Variants in LGR6 observed in about 807,000 individuals in gnomAD.
LGR6 encodes the protein leucine-rich repeat-containing G protein-coupled receptor 6.
Under a neutral mutation model 69.4 loss-of-function variants are expected in LGR6, and 45 were observed. That is an observed-to-expected ratio of 0.65 (90% CI 0.51 to 0.83). LGR6 has a LOEUF of 0.83. Ranked by LOEUF, LGR6 falls within the 40% of genes least tolerant of loss-of-function variation. The pLI, the probability that LGR6 is intolerant of heterozygous loss-of-function variation, is 0.00. For missense variants in LGR6, 1,108 were observed against 1,246.7 expected, an observed-to-expected ratio of 0.89 and a Z score of 1.68; for synonymous variants, 538 against 555.0, an observed-to-expected ratio of 0.97 and a Z score of 0.43.
chr1:202,303,464 G>A, intron 10 of LGR6, 117 bp downstream of exon 10: 1 of 783,804 alleles, frequency 1.3e-6, no homozygotes, highest in South Asian at 1.5e-5. Flanking sequence ...TATCCAGCCT[G>A]TCTCTACTAC....
intron 4 of LGR6, among the ~76,000 whole-genome samples, chr1:202,260,949 A>AT (rs1248262662): frequency 6.6e-6 from 1 of 151,738 alleles, no homozygotes; most frequent in Non-Finnish European, 1.5e-5. Context: ...TGCTTACAAG[A>AT]TTTTTTTTCT....
At position 202,303,240 on chromosome 1, in the gene LGR6, C is replaced by T. The variant is rs1314550611; in HGVS notation, c.930-39C>T. ...TTGAGAGTCTTGATGTTGAGATGCT[C>T]TGACCCCACCCCTCAGAGCTCATTG... On this transcript the variant is annotated intron_variant, in intron 9 of 17. Coordinates refer to ENST00000367278, the MANE Select transcript of LGR6 (RefSeq NM_001017403.2). The T allele has an allele frequency of 2.0e-6, 3 of 1,511,484 alleles. No homozygotes were observed. The African/African-American group carries it at 4.1e-5, about 21-fold the overall frequency. 93.6% of individuals were successfully genotyped at this position (1,511,484 alleles called of 1,614,324 possible).
chr1:202,301,020 G>A, intron 8 of LGR6, 100 bp downstream of exon 8: 1 of 1,311,928 alleles, frequency 7.6e-7, no homozygotes, highest in Non-Finnish European at 1.1e-6. Context: ...AAGCACCAGG[G>A]AGGCAGAAGT....
intron 1 of LGR6, chr1:202,214,246 G>C (rs1659604604): frequency 1.8e-5 from 28 of 1,537,184 alleles, no homozygotes; most frequent in Non-Finnish European, 2.4e-5. Context: ...AGGTAGGCTT[G>C]GGGGAAGGGT....
chr1:202,202,613 T>C (rs1658875963), intron 1 of LGR6, among the ~76,000 whole-genome samples: 1 of 152,232 alleles, frequency 6.6e-6, no homozygotes, highest in Admixed American at 6.5e-5. Context: ...TGTTTATAAT[T>C]AGACACAGTG....
intron 4 of LGR6, among the ~76,000 whole-genome samples, chr1:202,239,344 GGTGTGT>G (rs36157781): frequency 0.036 from 5,172 of 144,204 alleles, 216 homozygotes; most frequent in East Asian, 0.12. Flanking sequence ...GTGTGTGTGT[GGTGTGT>G]GTGTGTGTGT....
intron 1 of LGR6, among the ~76,000 whole-genome samples, chr1:202,208,205 T>C (rs187957292): frequency 3.6e-4 from 55 of 152,310 alleles, no homozygotes; most frequent in Non-Finnish European, 7.2e-4. Context: ...AGGTTTGTTC[T>C]CTGGTGGAAG....
chr1:202,296,304 A>C (rs1667159981), intron 6 of LGR6, among the ~76,000 whole-genome samples: 2 of 152,186 alleles, frequency 1.3e-5, no homozygotes. Flanking sequence ...GACACCCCCA[A>C]ATCAGTCACA....
At chr1:202,258,183 C>T (rs1663936964) in intron 4 of LGR6, among the ~76,000 whole-genome samples, 1 of 151,938 alleles carries the variant, frequency 6.6e-6, no homozygotes, top group South Asian at 2.1e-4. Context: ...CTTTGCTGTA[C>T]TCATTTACTA....
chr1:202,214,231 C>A (rs1169208711), intron 1 of LGR6: 3 of 1,516,820 alleles, frequency 2.0e-6, no homozygotes, highest in Non-Finnish European at 2.6e-6. Flanking sequence ...CGGCGCGGTG[C>A]GCCCAGGTAG....
At chr1:202,303,129 C>G (rs1438948274) in intron 9 of LGR6, 150 bp from the exon 10 acceptor site, 5 of 668,002 alleles carry the variant, frequency 7.5e-6, no homozygotes, top group Non-Finnish European at 1.4e-5. Context: ...TCCACGAGGG[C>G]CTGCGTGGCT....
chr1:202,229,665 T>G (rs577103097), intron 3 of LGR6, among the ~76,000 whole-genome samples: 2 of 152,316 alleles, frequency 1.3e-5, no homozygotes, highest in South Asian at 4.1e-4. Context: ...AATGGCACCC[T>G]TGGCTCAGTG....
intron 6 of LGR6, among the ~76,000 whole-genome samples, chr1:202,295,327 CAAAA>C (rs58243962): frequency 2.2e-5 from 1 of 45,554 alleles, no homozygotes. Context: ...GACTCCATCT[CAAAA>C]AAAAAAAAAA....
chr1:202,197,839 A>G (rs1324210687), intron 1 of LGR6, among the ~76,000 whole-genome samples: 1 of 152,212 alleles, frequency 6.6e-6, no homozygotes, highest in Admixed American at 6.5e-5. Context: ...GCTGAGCAGA[A>G]AGATCTGGGT....
chr1:202,250,911 T>A (rs1430071292), intron 4 of LGR6, among the ~76,000 whole-genome samples: 1 of 152,220 alleles, frequency 6.6e-6, no homozygotes, highest in Non-Finnish European at 1.5e-5. Context: ...CCTGAGTCCA[T>A]GCTTTTTCTG....
chr1:202,319,019 C>A lies in LGR6; in HGVS notation c.2716C>A (p.Gln906Lys). 6.2e-7 allele frequency: 1 copy of A among 1,614,034 alleles called. No individual in the cohort carries two copies. The highest frequency in any genetic ancestry group is 8.5e-7 in the Non-Finnish European group (1 of 1,179,956). ...CTCAGTGACCCTCATCTCCTGTCAGCAGCCAGGGGCCCCCAGGCTGGAGGG... is the reference window on the plus strand; with the variant it reads ...CTCAGTGACCCTCATCTCCTGTCAGAAGCCAGGGGCCCCCAGGCTGGAGGG... Reference protein sequence around the residue: ...FPSVTLISCQQPGAPRLEGSH... With the variant: ...FPSVTLISCQKPGAPRLEGSH... The change falls in exon 18 of 18, where the codon CAG (glutamine) becomes AAG (lysine). Residue 906 changes from glutamine (Q) to lysine (K), a missense_variant. Gln to Lys is a moderately conservative substitution (Grantham distance 53). Transcript: ENST00000367278.
At chr1:202,225,362 A>T (rs1260199366) in intron 1 of LGR6, 61 bp from the exon 2 acceptor site, 1 of 1,484,186 alleles carries the variant, frequency 6.7e-7, no homozygotes, top group Admixed American at 1.7e-5. Flanking sequence ...TGGCACCTGG[A>T]CAGTGCCAGA....
intron 1 of LGR6, among the ~76,000 whole-genome samples, chr1:202,217,392 G>C (rs549628799): frequency 1.3e-5 from 2 of 152,238 alleles, no homozygotes; most frequent in African/African-American, 4.8e-5. Flanking sequence ...GAAACACCAC[G>C]ATGCAGTGGA....
chr1:202,248,874 C>G (rs1475037790), intron 4 of LGR6, among the ~76,000 whole-genome samples: 1 of 152,200 alleles, frequency 6.6e-6, no homozygotes, highest in Non-Finnish European at 1.5e-5. Flanking sequence ...CTTTCTGGGG[C>G]TGGAGGCCAC....
Sources: gnomAD v4.1 joint callset for allele counts (sites outside exome capture counted in the v4.1 genomes callset) on GRCh38, gnomAD v4.1.1 for gene constraint, MANE v1.5 for transcripts, NCBI Gene and HGNC (gene_info 2026-07-23, HGNC 2026-07-21) for gene names.